Variants in EXOC6 observed in about 807,000 individuals in gnomAD.
EXOC6 encodes SEC15-like 1.
In EXOC6, 60 loss-of-function variants were observed where a neutral mutation model predicts 112.5. That is an observed-to-expected ratio of 0.53 (90% CI 0.43 to 0.66). The LOEUF is 0.66. EXOC6 is among the 30% of genes least tolerant of loss of function. The pLI is 0.00. For synonymous variants in EXOC6, 295 were observed against 308.0 expected (o/e 0.96, Z 0.44); for missense variants, 855 against 957.1 (o/e 0.89, Z 1.41).
intron 18 of EXOC6, among the ~76,000 whole-genome samples, chr10:92,990,679 A>C (rs1218588635): frequency 6.6e-6 from 1 of 152,138 alleles, no homozygotes; most frequent in Non-Finnish European, 1.5e-5. Flanking sequence ...TTGTTATATA[A>C]GTAAACATGT....
At chr10:92,839,014 T>C (rs1362200453) in intron 1 of EXOC6, among the ~76,000 whole-genome samples, 2 of 151,574 alleles carry the variant, frequency 1.3e-5, no homozygotes, top group Middle Eastern at 3.4e-3. Flanking sequence ...CGGAGGTTGC[T>C]GTAAGCCGAG....
chr10:93,047,963 A>G (rs1846081130), intron 20 of EXOC6, among the ~76,000 whole-genome samples: 1 of 152,148 alleles, frequency 6.6e-6, no homozygotes, highest in South Asian at 2.1e-4. Flanking sequence ...AAACAAACAA[A>G]CAAAAAAATT....
chr10:92,956,571 C>T (rs1229543066), intron 17 of EXOC6, among the ~76,000 whole-genome samples: 3 of 152,100 alleles, frequency 2.0e-5, no homozygotes, highest in Non-Finnish European at 4.4e-5. Flanking sequence ...GTGAAGTCCA[C>T]AAACAACCCT....
Position 92,966,286 on chromosome 10 carries a change from T to TAA in EXOC6, c.1774-7767_1774-7766insAA, listed in dbSNP as rs1335261915. On this transcript the variant is annotated intron_variant, in intron 17 of 21. Coordinates refer to ENST00000260762, the MANE Select transcript of EXOC6 (RefSeq NM_019053.6). ...TCTAGAAAGCATGTAATTATAATTA[T>TAA]TATTATTATTATTATTATTATTATA... Among the ~76,000 whole-genome samples the TAA allele has an allele frequency of 8.7e-4, 127 of 145,542 alleles. 2 individuals carry two copies. The highest frequency in any genetic ancestry group is 2.3e-3 in the African/African-American group (91 of 39,552).
At chr10:92,977,475 G>C (rs942621719) in intron 18 of EXOC6, among the ~76,000 whole-genome samples, 2 of 152,070 alleles carry the variant, frequency 1.3e-5, no homozygotes, top group African/African-American at 4.8e-5. Flanking sequence ...GGATGATACT[G>C]TATTCCCAAC....
chr10:92,940,703 C>CTTTTTTTTTTTTT, intron 12 of EXOC6, 24 bp from the exon 13 acceptor site: 1 of 1,230,520 alleles, frequency 8.1e-7, no homozygotes. Context: ...TGTTTATCTG[C>CTTTTTTTTTTTTT]TTTTTTTTTT....
chr10:92,923,169 T>C (rs934066138), intron 8 of EXOC6, among the ~76,000 whole-genome samples: 1 of 152,200 alleles, frequency 6.6e-6, no homozygotes, highest in African/African-American at 2.4e-5. Flanking sequence ...GTATAACTTA[T>C]GCTCTGAAGT....
At chr10:92,964,681 A>G (rs1841973676) in intron 17 of EXOC6, among the ~76,000 whole-genome samples, 1 of 152,216 alleles carries the variant, frequency 6.6e-6, no homozygotes, top group Non-Finnish European at 1.5e-5. Flanking sequence ...ACAGGAACTG[A>G]TAGAAAAAGC....
At chr10:92,911,210 AT>A (rs35323199) in intron 6 of EXOC6, among the ~76,000 whole-genome samples, 22 of 151,498 alleles carry the variant, frequency 1.5e-4, no homozygotes, top group Admixed American at 3.3e-4. Context: ...CTAATGCGTG[AT>A]TTTTTTTTCC....
chr10:92,997,552 G>A lies in EXOC6; in HGVS notation c.2032G>A (p.Glu678Lys). 1 of 1,613,750 alleles carries A rather than the reference G, an allele frequency of 6.2e-7. No individual in the cohort carries two copies. Among genetic ancestry groups the A allele is most frequent in the Non-Finnish European group, 8.5e-7 (1 of 1,179,766 alleles). ...CTTAATGCAGATGCTACTGGACAGT[G>A]AGTTAAAACAAATAAGCATGGGAGC... Reference protein sequence around the residue: ...TSLMQMLLDSELKQISMGAVQ... With the variant: ...TSLMQMLLDSKLKQISMGAVQ... The change falls in exon 19 of 22, where the codon GAG becomes AAG. Residue 678 changes from glutamate (E) to lysine (K), a missense_variant. Coordinates refer to ENST00000260762, the MANE Select transcript of EXOC6 (RefSeq NM_019053.6).
intron 19 of EXOC6, among the ~76,000 whole-genome samples, chr10:93,011,569 G>A (rs980787624): frequency 6.6e-6 from 1 of 152,022 alleles, no homozygotes; most frequent in Non-Finnish European, 1.5e-5. Flanking sequence ...GCCAAAAAAA[G>A]TATTTTTTTA....
chr10:92,845,229 C>G (rs773472723), upstream of EXOC6, among the ~76,000 whole-genome samples: 1 of 152,164 alleles, frequency 6.6e-6, no homozygotes, highest in South Asian at 2.1e-4. Flanking sequence ...CCTGCTACTC[C>G]GCAACCTTCT....
At chr10:93,016,507 G>A (rs12250156) in intron 20 of EXOC6, among the ~76,000 whole-genome samples, 2 of 152,134 alleles carry the variant, frequency 1.3e-5, no homozygotes, top group East Asian at 3.9e-4. Context: ...CCAAATTTCA[G>A]ATTCTAAAAT....
intron 7 of EXOC6, among the ~76,000 whole-genome samples, chr10:92,916,519 A>G (rs1589826206): frequency 6.6e-6 from 1 of 151,900 alleles, no homozygotes. Context: ...CAAAAAGAAG[A>G]AAAAAAACAA....
intron 19 of EXOC6, chr10:92,999,361 C>T: frequency 2.8e-6 from 1 of 357,068 alleles, no homozygotes; most frequent in South Asian, 2.0e-5. Context: ...CTGTGCCTGG[C>T]CATTTTTATA....
upstream of EXOC6, among the ~76,000 whole-genome samples, chr10:92,844,751 T>C (rs962307025): frequency 2.0e-5 from 3 of 152,220 alleles, no homozygotes; most frequent in African/African-American, 4.8e-5. Flanking sequence ...ATAATACATA[T>C]ATTATCTTCT....
chr10:92,902,677 C>T (rs80283226), intron 5 of EXOC6, among the ~76,000 whole-genome samples: 62 of 152,198 alleles, frequency 4.1e-4, no homozygotes, highest in African/African-American at 1.4e-3. Context: ...TACCCAGAAG[C>T]TTTCTTATAC....
chr10:93,040,334 C>T (rs374107268), intron 20 of EXOC6, among the ~76,000 whole-genome samples: 6 of 152,068 alleles, frequency 3.9e-5, no homozygotes, highest in Non-Finnish European at 7.4e-5. Context: ...CTGCAAGCTC[C>T]GCCTCCCAGG....
intron 1 of EXOC6, among the ~76,000 whole-genome samples, chr10:92,871,828 A>G (rs1444443941): frequency 2.0e-5 from 3 of 152,042 alleles, no homozygotes; most frequent in Admixed American, 6.6e-5. Flanking sequence ...ATAAAATAAT[A>G]AAATAATAAT....
Sources: allele counts gnomAD v4.1 joint callset (sites outside exome capture counted in the v4.1 genomes callset), GRCh38; gene constraint gnomAD v4.1.1; transcripts MANE v1.5; gene names NCBI Gene and HGNC (gene_info 2026-07-23, HGNC 2026-07-21).